DICER1: variants seen among roughly 807,000 people sequenced by gnomAD.
The protein encoded by DICER1 is endoribonuclease Dicer.
In DICER1, 43 loss-of-function variants were observed where a neutral mutation model predicts 194.1. The observed-to-expected ratio is 0.22, with a 90% CI of 0.17 to 0.29. The LOEUF (loss-of-function observed/expected upper bound fraction) is 0.29, where lower values mean the gene tolerates loss of function less well. Ranked by LOEUF, DICER1 falls within the 10% of genes least tolerant of loss-of-function variation. The pLI is 1.00. For synonymous variants in DICER1, 832 were observed against 820.5 expected, an observed-to-expected ratio of 1.01 and a Z score of -0.24; for missense variants, 1,608 against 2,317.0, an observed-to-expected ratio of 0.69 and a Z score of 6.28.
At chr14:95,125,461 A>G (rs1284626270) in intron 7 of DICER1, among the ~76,000 whole-genome samples, 2 of 147,076 alleles carry the variant, frequency 1.4e-5, no homozygotes, top group African/African-American at 5.1e-5. Flanking sequence ...TGAGAGCCGA[A>G]AGTCAATCCA....
intron 24 of DICER1, among the ~76,000 whole-genome samples, chr14:95,092,267 G>C (rs930156389): frequency 3.9e-5 from 6 of 152,096 alleles, no homozygotes; most frequent in Admixed American, 3.3e-4. Flanking sequence ...TTACATTTTA[G>C]ATATGTTTAT....
intron 1 of DICER1, chr14:95,137,914 T>C (rs997640984): frequency 6.5e-6 from 1 of 154,664 alleles, no homozygotes; most frequent in African/African-American, 2.4e-5. Flanking sequence ...GGGAGAGAGA[T>C]CGTTTCCCTG....
intron 11 of DICER1, among the ~76,000 whole-genome samples, chr14:95,115,393 G>C (rs1043554274): frequency 1.1e-4 from 16 of 151,870 alleles, no homozygotes; most frequent in Non-Finnish European, 2.4e-4. Flanking sequence ...GAAAAAAATT[G>C]GTGAGAATTA....
At chr14:95,108,206 T>G in intron 15 of DICER1, 113 bp from the exon 16 acceptor site, 4 of 1,302,828 alleles carry the variant, frequency 3.1e-6, no homozygotes, top group Non-Finnish European at 4.4e-6. Context: ...AAGAGGCACC[T>G]CGATCTTTAA....
intron 7 of DICER1, among the ~76,000 whole-genome samples, chr14:95,125,313 C>G (rs1473799056): frequency 6.6e-6 from 1 of 151,786 alleles, no homozygotes; most frequent in African/African-American, 2.4e-5. Flanking sequence ...CACTCTGTCA[C>G]AGTTCTCCAA....
chr14:95,090,685 T>C (rs762335843), intron 26 of DICER1, 22 bp from the exon 27 acceptor site: 10 of 1,613,632 alleles, frequency 6.2e-6, no homozygotes, highest in Non-Finnish European at 8.5e-6. Flanking sequence ...CCAAACAGCT[T>C]GAATTAGAAG....
intron 20 of DICER1, among the ~76,000 whole-genome samples, chr14:95,104,622 CTATTA>C (rs1197634063): frequency 6.6e-6 from 1 of 152,098 alleles, no homozygotes; most frequent in Admixed American, 6.5e-5. Context: ...GTGGTTATTC[CTATTA>C]TATTTTAAAA....
chr14:95,143,957 A>G (rs1168452190), intron 1 of DICER1, among the ~76,000 whole-genome samples: 1 of 152,194 alleles, frequency 6.6e-6, no homozygotes, highest in Non-Finnish European at 1.5e-5. Flanking sequence ...ATTTTTAAAA[A>G]TGAAAATGAA....
In DICER1 at chr14:95,133,394, G is replaced by A. The variant is rs1060503626; in HGVS notation, c.65C>T (p.Ser22Leu). ...CAGTCCAAAGAAAGGACCCATTGGT[G>A]AGGAAGCAGGGGTCATGAGCTGCAG... Reference protein sequence around the residue: ...AGLQLMTPASSPMGPFFGLPW... With the variant: ...AGLQLMTPASLPMGPFFGLPW... Residue 22 changes from serine to leucine, a missense_variant, in exon 2 of 27, where the codon TCA becomes TTA. Ser to Leu is a moderately radical substitution (Grantham distance 145). Coordinates refer to ENST00000343455, the MANE Select transcript of DICER1 (RefSeq NM_177438.3). 2 of 1,614,066 alleles carry A rather than the reference G, an allele frequency of 1.2e-6. No homozygotes were observed.
chr14:95,104,913 T>C (rs1891270957), intron 20 of DICER1, among the ~76,000 whole-genome samples, 158 bp downstream of exon 20: 1 of 152,256 alleles, frequency 6.6e-6, no homozygotes, highest in African/African-American at 2.4e-5. Flanking sequence ...TGACCTCAGA[T>C]TCTCATCTCC....
intron 1 of DICER1, among the ~76,000 whole-genome samples, chr14:95,155,081 C>T (rs1404988441): frequency 6.6e-6 from 1 of 152,188 alleles, no homozygotes; most frequent in Non-Finnish European, 1.5e-5. Flanking sequence ...TCGGCTCTGC[C>T]ACTTCGAGAT....
At chr14:95,091,530 A>T (rs182340315) in intron 24 of DICER1, 165 bp from the exon 25 acceptor site, 4 of 658,176 alleles carry the variant, frequency 6.1e-6, no homozygotes, top group Non-Finnish European at 1.0e-5. Context: ...AACAAATGTT[A>T]TATTTTTAAA....
intron 1 of DICER1, among the ~76,000 whole-genome samples, chr14:95,138,961 G>A (rs1430206242): frequency 1.2e-5 from 1 of 84,854 alleles, no homozygotes; most frequent in Non-Finnish European, 2.7e-5. Flanking sequence ...AAAACTTAGA[G>A]TATAATAAAA....
chr14:95,154,659 G>A (rs1024083472), intron 1 of DICER1, among the ~76,000 whole-genome samples: 2 of 152,168 alleles, frequency 1.3e-5, no homozygotes, highest in African/African-American at 4.8e-5. Flanking sequence ...CCAGTAGTCA[G>A]TGACAGGAAG....
intron 3 of DICER1, among the ~76,000 whole-genome samples, 159 bp downstream of exon 3, chr14:95,132,352 AAAAG>A (rs1481250297): frequency 2.0e-5 from 3 of 152,256 alleles, no homozygotes; most frequent in Admixed American, 6.5e-5. Flanking sequence ...AGAAACAGCA[AAAAG>A]AAATAGGACA....
intron 1 of DICER1, among the ~76,000 whole-genome samples, chr14:95,156,581 TG>T (rs1258269687): frequency 6.6e-6 from 1 of 152,246 alleles, no homozygotes; most frequent in East Asian, 1.9e-4. Flanking sequence ...AAACATACAC[TG>T]ATTTCCCCAA....
chr14:95,104,685 GAACTAATGTGAGTGTTTA>G (rs1345385240), intron 20 of DICER1, among the ~76,000 whole-genome samples: 4 of 152,174 alleles, frequency 2.6e-5, no homozygotes, highest in Non-Finnish European at 5.9e-5. Context: ...TGGATAACCA[GAACTAATGTGAGTGTTTA>G]AGCCAACAGT....
At chr14:95,141,335 G>A (rs183156630) in intron 1 of DICER1, 2 of 152,146 alleles carry the variant, frequency 1.3e-5, no homozygotes, top group Admixed American at 1.3e-4. Flanking sequence ...TGTTAATGTC[G>A]GGCATAAATT....
In DICER1 at chr14:95,107,757, A is replaced by G. The variant is rs1313638238; in HGVS notation, c.2655T>C (p.Asn885=). The part of the protein sequence containing the change: ...AYCVLPLNVV[N]DSSTLDIDFK... Reference sequence around the variant, plus strand: ...AGTCAATATCCAAAGTGCTGGAGTCATTAACTTAGAAGAGAAAAACGACTC... The same window carrying G: ...AGTCAATATCCAAAGTGCTGGAGTCGTTAACTTAGAAGAGAAAAACGACTC... Residue 885 remains asparagine, a synonymous_variant, in exon 17 of 27, where the codon AAT becomes AAC. Transcript: ENST00000343455. The G allele has an allele frequency of 1.3e-6, 2 of 1,549,824 alleles. No homozygotes were observed. The highest frequency in any genetic ancestry group is 1.8e-6 in the Non-Finnish European group (2 of 1,126,024).
Sources: gnomAD v4.1 joint callset for allele counts (sites outside exome capture counted in the v4.1 genomes callset) on GRCh38, gnomAD v4.1.1 for gene constraint, MANE v1.5 for transcripts, NCBI Gene and HGNC (gene_info 2026-07-23, HGNC 2026-07-21) for gene names.